Variants in PRF1 observed in about 807,000 individuals in gnomAD.
PRF1 encodes the protein perforin-1.
Under a neutral mutation model 11.7 loss-of-function variants are expected in PRF1, and 11 were observed. The ratio of observed to expected loss-of-function variants is 0.94; its 90% CI spans 0.59 to 1.56. The LOEUF (loss-of-function observed/expected upper bound fraction) is 1.56. PRF1 is among the 40% of genes most tolerant of loss of function. The pLI is 0.00. For synonymous variants in PRF1, 314 were observed against 327.8 expected (o/e 0.96, Z 0.45); for missense variants, 729 against 751.0 (o/e 0.97, Z 0.34).
intron 1 of PRF1, among the ~76,000 whole-genome samples, chr10:70,601,262 A>G (rs1848225987): frequency 1.3e-5 from 2 of 152,158 alleles, no homozygotes; most frequent in African/African-American, 4.8e-5. Context: ...GAGTAGCTGT[A>G]GCAGGTTTAG....
rs748445504 is a variant in PRF1 at position 70,598,518 on chromosome 10, C to T, written c.1203G>A (p.Ala401=). The change falls in exon 3 of 3, where the codon GCG becomes GCA. Residue 401 remains alanine, a synonymous_variant. Transcript: ENST00000441259. ...GAGGGCAGCAGTCCTGGGTGGTGAC[C>T]GCTGAGCCATGGCACACACACTGGC... ...DPCQCVCHGS[A]VTTQDCCPRQ... The T allele has an allele frequency of 4.3e-5, 69 of 1,613,236 alleles. No individual in the cohort carries two copies. Among genetic ancestry groups the T allele is most frequent in the South Asian group, 5.5e-5 (5 of 91,074 alleles).
chr10:70,601,061 G>C, intron 1 of PRF1, 129 bp from the exon 2 acceptor site: 2 of 1,343,516 alleles, frequency 1.5e-6, no homozygotes, highest in Non-Finnish European at 2.0e-6. Context: ...TGTCAGAGCT[G>C]GTATGTCCCT....
Position 70,600,931 on chromosome 10 carries a change from C to T in PRF1, c.-29G>A, listed in dbSNP as rs1276235951. On this transcript the variant is annotated splice_region_variant and 5_prime_UTR_variant, in exon 2 of 3. Transcript: ENST00000441259. This position sits in a 1 kb window ranked among gnomAD's most constrained non-coding sequence, Gnocchi z 4.9. Reference sequence around the variant, plus strand: ...GCTGCAGAGACAGGGGGCACTTGGGCTCTGGGAAGCCATGGGTGGAGGGAT... The same window carrying T: ...GCTGCAGAGACAGGGGGCACTTGGGTTCTGGGAAGCCATGGGTGGAGGGAT... 14 of 1,558,042 alleles carry T rather than the reference C, an allele frequency of 9.0e-6. No homozygotes were observed. The highest frequency in any genetic ancestry group is 8.7e-7 in the Non-Finnish European group (1 of 1,152,950).
chr10:70,599,585 A>ATTT (rs547181703), intron 2 of PRF1, among the ~76,000 whole-genome samples: 1 of 149,490 alleles, frequency 6.7e-6, no homozygotes, highest in African/African-American at 2.5e-5. Context: ...CCCCATCTCT[A>ATTT]TTTTTTTTTT....
Position 70,600,926 on chromosome 10 carries a change from T to C in PRF1, c.-24A>G, listed in dbSNP as rs939064190. On this transcript the variant is annotated 5_prime_UTR_variant, in exon 2 of 3. Transcript: ENST00000441259. This position sits in a 1 kb window ranked among gnomAD's most constrained non-coding sequence, Gnocchi z 4.9. The stretch of plus-strand genomic sequence containing the variant: ...ATGGAGCTGCAGAGACAGGGGGCAC[T>C]TGGGCTCTGGGAAGCCATGGGTGGA... 1 of 1,562,678 alleles carries C rather than the reference T, an allele frequency of 6.4e-7. No individual in the cohort carries two copies. Among genetic ancestry groups the C allele is most frequent in the South Asian group, 1.2e-5 (1 of 85,464 alleles).
In PRF1 at chr10:70,598,339, C is replaced by T; in HGVS notation, c.1382G>A (p.Trp461Ter). Reference protein sequence around the residue: ...STVWDNNNPIWSVRLDFGDVL... With the variant: ...STVWDNNNPI The stretch of plus-strand genomic sequence containing the variant: ...ATCCCCAAAATCCAGCCGCACTGAC[C>T]AGATGGGGTTGTTATTGTCCCACAC... Residue 461 changes from tryptophan (W) to a stop codon, truncating the protein, a stop_gained, in exon 3 of 3, where the codon TGG (tryptophan) becomes TAG (stop). Coordinates refer to ENST00000441259, the MANE Select transcript of PRF1 (RefSeq NM_001083116.3). LOFTEE classifies it low-confidence loss of function (END_TRUNC). 1 of 1,614,192 alleles carries T rather than the reference C, an allele frequency of 6.2e-7. No individual in the cohort carries two copies. Among genetic ancestry groups the T allele is most frequent in the East Asian group, 2.2e-5 (1 of 44,872 alleles).
chr10:70,600,892 C>A lies in PRF1; in HGVS notation c.11G>T (p.Arg4Leu). ...GAGAAGGATGCCCAGGAGGAGCAGA[C>A]GGGCTGCCATGGAGCTGCAGAGACA... is the stretch of plus-strand genomic sequence containing the variant. MAA[R>L]LLLLGILLLL... The change falls in exon 2 of 3, where the codon CGT becomes CTT. Residue 4 changes from arginine to leucine, a missense_variant. Arg to Leu is a moderately radical substitution (Grantham distance 102, BLOSUM62 -2). Coordinates refer to ENST00000441259, the MANE Select transcript of PRF1 (RefSeq NM_001083116.3). The surrounding 1 kb of genome is among the most constrained non-coding windows in gnomAD (Gnocchi z 4.9). 1 of 1,590,210 alleles carries A rather than the reference C, an allele frequency of 6.3e-7. No individual in the cohort carries two copies.
chr10:70,601,077 G>C, intron 1 of PRF1, 145 bp from the exon 2 acceptor site: 1 of 1,226,964 alleles, frequency 8.2e-7, no homozygotes, highest in Non-Finnish European at 1.1e-6. Flanking sequence ...TCCCTTATAG[G>C]CCTGGTTCAG....
In PRF1 at chr10:70,598,819, G is replaced by T. The variant is rs1259291325; in HGVS notation, c.902C>A (p.Ser301Ter). ...SFHQTYRERH[S>*]EVVGGHHTSI... ...GGTGTGATGGCCGCCAACCACTTCCGAGTGGCGCTCCCGGTAGGTTTGGTG... is the reference window on the plus strand; with the variant it reads ...GGTGTGATGGCCGCCAACCACTTCCTAGTGGCGCTCCCGGTAGGTTTGGTG... Residue 301 changes from serine to a stop codon, truncating the protein, a stop_gained, in exon 3 of 3, where the codon TCG becomes TAG. Transcript: ENST00000441259. LOFTEE classifies it low-confidence loss of function (END_TRUNC). 1.2e-6 allele frequency: 2 copies of T among 1,614,226 alleles called. No individual in the cohort carries two copies. The highest frequency in any genetic ancestry group is 1.7e-6 in the Non-Finnish European group (2 of 1,180,036).
rs1848223935 is a variant in PRF1 at position 70,601,051 on chromosome 10, T to C, written c.-30-119A>G. 2.2e-6 allele frequency: 3 copies of C among 1,384,828 alleles called. No homozygotes were observed. In the African/African-American group the frequency reaches 4.3e-5, roughly 20 times the overall value. 85.8% of individuals were successfully genotyped at this position (1,384,828 alleles called of 1,614,324 possible). On this transcript the variant is annotated intron_variant, in intron 1 of 2. Coordinates refer to ENST00000441259, the MANE Select transcript of PRF1 (RefSeq NM_001083116.3). ...ATCTCTTAAGTCATTATTCAATGAATGTCAGAGCTGGTATGTCCCTTATAG... is the reference window on the plus strand; with the variant it reads ...ATCTCTTAAGTCATTATTCAATGAACGTCAGAGCTGGTATGTCCCTTATAG...
In PRF1 at chr10:70,598,291, G is replaced by C. The variant is rs762457806; in HGVS notation, c.1430C>G (p.Pro477Arg). Residue 477 changes from proline (P) to arginine (R), a missense_variant, in exon 3 of 3, where the codon CCC becomes CGC. Physicochemically the swap from Pro to Arg is moderately radical, Grantham distance 103. Coordinates refer to ENST00000441259, the MANE Select transcript of PRF1 (RefSeq NM_001083116.3). The stretch of plus-strand genomic sequence containing the variant: ...CTGATCCCAGACCTGCAACCTCAGG[G>C]GCCCCCCTGTGGCCAGGAGCACATC... ...FGDVLLATGG[P>R]LRLQVWDQDS... 1 of 1,614,078 alleles carries C rather than the reference G, an allele frequency of 6.2e-7. No individual in the cohort carries two copies. Among genetic ancestry groups the C allele is most frequent in the African/African-American group, 1.3e-5 (1 of 74,928 alleles).
At chr10:70,599,770 A>G (rs1208567329) in intron 2 of PRF1, among the ~76,000 whole-genome samples, 1 of 152,194 alleles carries the variant, frequency 6.6e-6, no homozygotes, top group Non-Finnish European at 1.5e-5. Flanking sequence ...CGTGGCCCCC[A>G]GGTCTGATGA....
At chr10:70,599,632 T>C (rs928060632) in intron 2 of PRF1, among the ~76,000 whole-genome samples, 4 of 152,116 alleles carry the variant, frequency 2.6e-5, no homozygotes, top group Admixed American at 2.6e-4. Context: ...GCAATGATCC[T>C]GCACTGATGG....
At position 70,597,511 on chromosome 10, in the gene PRF1, C is replaced by G; in HGVS notation, c.*542G>C. On this transcript the variant is annotated 3_prime_UTR_variant, in exon 3 of 3. Transcript: ENST00000441259. ...TTAAGGCAATGAAGGCTTTGCCACA[C>G]CATAGAGGGCTCAAGGGAAGGGTCC... is the stretch of plus-strand genomic sequence containing the variant. The G allele has an allele frequency of 7.2e-6, 3 of 418,926 alleles. No homozygotes were observed. Among genetic ancestry groups the G allele is most frequent in the Non-Finnish European group, 1.3e-5 (3 of 238,312 alleles). The allele number at this position is 418,926 out of a possible 1,614,324, so 26.0% of individuals were successfully genotyped here.
In PRF1 at chr10:70,598,776, C is replaced by T. The variant is rs138159445; in HGVS notation, c.945G>A (p.Leu315=). The T allele has an allele frequency of 3.8e-5, 61 of 1,614,132 alleles. No homozygotes were observed. In the African/African-American group the frequency reaches 7.9e-4, roughly 21 times the overall value. ...GCTCGGGCCCGGCCTGGATCCCGAA[C>T]AGCAGGTCGTTAATGGAGGTGTGAT... is the stretch of plus-strand genomic sequence containing the variant. ...GGHHTSINDL[L]FGIQAGPEQY... Residue 315 remains leucine (L), a synonymous_variant, in exon 3 of 3, where the codon CTG becomes CTA. Coordinates refer to ENST00000441259, the MANE Select transcript of PRF1 (RefSeq NM_001083116.3).
In PRF1 at chr10:70,599,003, G is replaced by A. The variant is rs754850577; in HGVS notation, c.718C>T (p.Arg240Cys). ...CCTTCCAGGGCCAGCTCGCAGGTGCGCAGGGCAGTGAGGGCCGATATGCGG... is the reference window on the plus strand; with the variant it reads ...CCTTCCAGGGCCAGCTCGCAGGTGCACAGGGCAGTGAGGGCCGATATGCGG... ...GGRISALTAL[R>C]TCELALEGLT... is the part of the protein sequence containing the mutation. The change falls in exon 3 of 3, where the codon CGC becomes TGC. Residue 240 changes from arginine (R) to cysteine (C), a missense_variant. Physicochemically the swap from Arg to Cys is radical, Grantham distance 180. Transcript: ENST00000441259. The A allele has an allele frequency of 2.2e-5, 35 of 1,614,030 alleles. No individual in the cohort carries two copies. The highest frequency in any genetic ancestry group is 4.4e-5 in the South Asian group (4 of 91,082).
In PRF1 at chr10:70,597,957, C is replaced by T. The variant is rs1889490; in HGVS notation, c.*96G>A. Reference sequence around the variant, plus strand: ...GGCCGCATGCGGGCCTCGGGTTGGACAAGCTTGGTCTAATGGGAATACGAA... The same window carrying T: ...GGCCGCATGCGGGCCTCGGGTTGGATAAGCTTGGTCTAATGGGAATACGAA... On this transcript the variant is annotated 3_prime_UTR_variant, in exon 3 of 3. Transcript: ENST00000441259. The T allele has an allele frequency of 0.43, 658,868 of 1,519,626 alleles. 148,841 individuals carry two copies. Among genetic ancestry groups the T allele is most frequent in the African/African-American group, 0.74 (53,619 of 72,794 alleles). The allele number at this position is 1,519,626 out of a possible 1,614,324, so 94.1% of individuals were successfully genotyped here. A position where few individuals can be genotyped will look rare whatever the true frequency, so the allele number is the denominator to read the frequency against.
In PRF1 at chr10:70,597,889, A is replaced by T; in HGVS notation, c.*164T>A. 1.2e-6 allele frequency: 1 copy of T among 813,120 alleles called. No homozygotes were observed. The highest frequency in any genetic ancestry group is 2.7e-5 in the East Asian group (1 of 37,366). The allele number at this position is 813,120 out of a possible 1,614,324, so 50.4% of individuals were successfully genotyped here. On this transcript the variant is annotated 3_prime_UTR_variant, in exon 3 of 3. Coordinates refer to ENST00000441259, the MANE Select transcript of PRF1 (RefSeq NM_001083116.3). ...AAAAAGAAACTCATAATGTTTTAAGAAAGTTTGCGAATTTGCGTTGGGCCG... is the reference window on the plus strand; with the variant it reads ...AAAAAGAAACTCATAATGTTTTAAGTAAGTTTGCGAATTTGCGTTGGGCCG...
chr10:70,599,129 C>T lies in PRF1; in HGVS notation c.592G>A (p.Gly198Arg), dbSNP rs759235360. Residue 198 changes from glycine (G) to arginine (R), a missense_variant, in exon 3 of 3, where the codon GGG becomes AGG. Gly to Arg is a moderately radical substitution (Grantham distance 125, BLOSUM62 -2). Transcript: ENST00000441259. ...GCGTTGAAGTGGTGGGGCAGGTCCC[C>T]GAGGGCCCTCTTGAAGTCAGGGTGC... Reference protein sequence around the residue: ...PLHPDFKRALGDLPHHFNAST... With the variant: ...PLHPDFKRALRDLPHHFNAST... The T allele has an allele frequency of 3.9e-5, 63 of 1,613,998 alleles. No homozygotes were observed. Among genetic ancestry groups the T allele is most frequent in the Middle Eastern group, 1.6e-4 (1 of 6,080 alleles).
Sources: gnomAD v4.1 joint callset for allele counts (sites outside exome capture counted in the v4.1 genomes callset) on GRCh38, gnomAD v4.1.1 for gene constraint, Gnocchi (gnomAD v3.1) non-coding constraint, MANE v1.5 for transcripts, NCBI Gene and HGNC (gene_info 2026-07-23, HGNC 2026-07-21) for gene names.